Variants in DOCK4 observed in about 807,000 individuals in gnomAD.
DOCK4 encodes dedicator of cytokinesis 4.
Under a neutral mutation model 268.1 loss-of-function variants are expected in DOCK4, and 97 were observed. The ratio of observed to expected loss-of-function variants is 0.36; its 90% CI spans 0.31 to 0.43. DOCK4 has a LOEUF of 0.43. DOCK4 is among the 20% of genes least tolerant of loss of function. The pLI is 1.00. For missense variants in DOCK4, 2,145 were observed against 2,455.7 expected, an observed-to-expected ratio of 0.87 and a Z score of 2.67; for synonymous variants, 954 against 887.2, an observed-to-expected ratio of 1.08 and a Z score of -1.34.
intron 17 of DOCK4, among the ~76,000 whole-genome samples, chr7:111,874,008 A>G (rs1419666539): frequency 2.6e-5 from 4 of 152,186 alleles, no homozygotes; most frequent in African/African-American, 9.7e-5. Flanking sequence ...CTGATTGGTT[A>G]TATTTGGCAT....
intron 8 of DOCK4, among the ~76,000 whole-genome samples, chr7:111,959,941 C>T (rs1410148298): frequency 9.2e-5 from 14 of 152,214 alleles, no homozygotes; most frequent in Admixed American, 8.5e-4. Flanking sequence ...TTTCAGACGT[C>T]TCCCATTGGT....
In DOCK4 at chr7:111,932,500, A is replaced by G. The variant is rs185761139; in HGVS notation, c.1066+3040T>C. Among the ~76,000 whole-genome samples, 7 of 152,306 alleles carry G rather than the reference A, an allele frequency of 4.6e-5. No homozygotes were observed. In the East Asian group the frequency reaches 7.8e-4, roughly 17 times the overall value. ...GGCATAATGGATTTGTTTGTGATCCATAAGAACTTAAAAAAATGCTAGCCT... is the reference window on the plus strand; with the variant it reads ...GGCATAATGGATTTGTTTGTGATCCGTAAGAACTTAAAAAAATGCTAGCCT... On this transcript the variant is annotated intron_variant, in intron 12 of 52. Transcript: ENST00000428084.
intron 24 of DOCK4, among the ~76,000 whole-genome samples, chr7:111,846,549 T>G (rs886277873): frequency 1.3e-4 from 20 of 152,220 alleles, no homozygotes; most frequent in Non-Finnish European, 5.9e-5. Flanking sequence ...AAGATACCCC[T>G]AATCTCCTGG....
intron 10 of DOCK4, among the ~76,000 whole-genome samples, chr7:111,941,859 A>G: frequency 6.6e-6 from 1 of 152,140 alleles, no homozygotes; most frequent in Middle Eastern, 3.2e-3. Context: ...TGTAGCTCTC[A>G]CAACCACTTA....
At chr7:112,010,717 T>G (rs1317706965) in intron 1 of DOCK4, among the ~76,000 whole-genome samples, 2 of 152,232 alleles carry the variant, frequency 1.3e-5, no homozygotes, top group African/African-American at 4.8e-5. Flanking sequence ...TGCATTCTTA[T>G]GCCAGTTATC....
chr7:111,864,453 A>G (rs151272644), intron 22 of DOCK4, among the ~76,000 whole-genome samples: 184 of 152,332 alleles, frequency 1.2e-3, no homozygotes, highest in African/African-American at 4.2e-3. Context: ...AGTTTCTAAC[A>G]TGCTAAAATT....
intron 1 of DOCK4, among the ~76,000 whole-genome samples, chr7:112,041,764 C>T (rs1156772314): frequency 6.6e-6 from 1 of 152,108 alleles, no homozygotes; most frequent in East Asian, 1.9e-4. Flanking sequence ...AATGAAGGAC[C>T]AAACATACAT....
At chr7:111,855,239 T>C (rs990790327) in intron 23 of DOCK4, among the ~76,000 whole-genome samples, 2 of 151,834 alleles carry the variant, frequency 1.3e-5, no homozygotes, top group African/African-American at 2.4e-5. Context: ...CTTTGGCTAA[T>C]AGATGGGTGG....
chr7:112,177,210 G>C (rs889978341), intron 1 of DOCK4, among the ~76,000 whole-genome samples: 15 of 152,136 alleles, frequency 9.9e-5, no homozygotes, highest in African/African-American at 3.4e-4. Flanking sequence ...TAAATTGCAG[G>C]AATCAGACAG....
chr7:112,206,020 G>C, intron 1 of DOCK4, 82 bp downstream of exon 1: 4 of 1,471,222 alleles, frequency 2.7e-6, no homozygotes, highest in Non-Finnish European at 3.7e-6. Context: ...CGGGCGGAGC[G>C]AGAGGGGCGC....
intron 1 of DOCK4, among the ~76,000 whole-genome samples, chr7:112,164,453 C>G (rs1425966973): frequency 6.6e-6 from 1 of 152,096 alleles, no homozygotes; most frequent in Non-Finnish European, 1.5e-5. Flanking sequence ...CATTTGAAAA[C>G]TGAATTAATA....
At chr7:112,124,745 A>G (rs550947279) in intron 1 of DOCK4, among the ~76,000 whole-genome samples, 1 of 152,378 alleles carries the variant, frequency 6.6e-6, no homozygotes, top group East Asian at 1.9e-4. Context: ...TAGTGTTTTA[A>G]GAAAACCACT....
intron 1 of DOCK4, among the ~76,000 whole-genome samples, chr7:112,128,516 G>T (rs2116050147): frequency 6.6e-6 from 1 of 152,360 alleles, no homozygotes; most frequent in African/African-American, 2.4e-5. Context: ...TCGGATGGTT[G>T]CCGTGTCTGT....
chr7:112,189,939 T>A (rs570509811), intron 1 of DOCK4, among the ~76,000 whole-genome samples: 2 of 152,182 alleles, frequency 1.3e-5, no homozygotes, highest in East Asian at 3.9e-4. Context: ...AACCACAATG[T>A]ATGTTTCAGA....
rs536740689 is a variant in DOCK4 at position 111,988,545 on chromosome 7, A to G, written c.464+470T>C. 5.3e-5 allele frequency among the ~76,000 whole-genome samples: 8 copies of G among 152,334 alleles called. 1 individual carries two copies. The South Asian group carries it at 1.4e-3, about 28-fold the overall frequency. Reference sequence around the variant, plus strand: ...GTGTATGTACAGGACTAATCACAGCAATAATAAAAGGCCCCACCAGTGCAC... The same window carrying G: ...GTGTATGTACAGGACTAATCACAGCGATAATAAAAGGCCCCACCAGTGCAC... On this transcript the variant is annotated intron_variant, in intron 6 of 52. Transcript: ENST00000428084.
chr7:112,081,005 A>T (rs1808530297), intron 1 of DOCK4, among the ~76,000 whole-genome samples: 1 of 152,214 alleles, frequency 6.6e-6, no homozygotes. Context: ...AGACATGAAC[A>T]ACTGTCGAGG....
chr7:112,047,633 T>C (rs1211414280), intron 1 of DOCK4, among the ~76,000 whole-genome samples: 1 of 152,136 alleles, frequency 6.6e-6, no homozygotes, highest in Non-Finnish European at 1.5e-5. Flanking sequence ...ATTAATGAAG[T>C]TGAAAACATA....
chr7:112,105,273 C>A (rs1454816801), intron 1 of DOCK4, among the ~76,000 whole-genome samples: 1 of 152,048 alleles, frequency 6.6e-6, no homozygotes, highest in Non-Finnish European at 1.5e-5. Flanking sequence ...CAATAAAGAA[C>A]ATAGGAATAT....
chr7:111,749,548 G>A (rs956703232), intron 42 of DOCK4, among the ~76,000 whole-genome samples: 3 of 152,020 alleles, frequency 2.0e-5, no homozygotes, highest in African/African-American at 7.2e-5. Context: ...AAATTCAAAT[G>A]CTATTAAAAA....
Sources: gnomAD v4.1 joint callset for allele counts (sites outside exome capture counted in the v4.1 genomes callset) on GRCh38, gnomAD v4.1.1 for gene constraint, MANE v1.5 for transcripts, NCBI Gene and HGNC (gene_info 2026-07-23, HGNC 2026-07-21) for gene names.